The following SLC35F1 variants were observed in gnomAD, a reference collection of about 807,000 sequenced individuals.
SLC35F1 encodes the protein solute carrier family 35 member F1.
SLC35F1 carries 14 observed loss-of-function variants against 48.7 expected under a neutral mutation model. The observed-to-expected ratio is 0.29, with a 90% CI of 0.19 to 0.45. SLC35F1 has a LOEUF of 0.45. Ranked by LOEUF, SLC35F1 falls within the 20% of genes least tolerant of loss-of-function variation. The pLI, the probability that SLC35F1 is intolerant of heterozygous loss-of-function variation, is 1.00. For missense variants in SLC35F1, 404 were observed against 500.0 expected, an observed-to-expected ratio of 0.81 and a Z score of 1.83; for synonymous variants, 190 against 202.2, an observed-to-expected ratio of 0.94 and a Z score of 0.51.
At position 118,314,242 on chromosome 6, in the gene SLC35F1, G is replaced by C. The variant is rs61738575; in HGVS notation, c.1217G>C (p.Arg406Pro). The C allele has an allele frequency of 1.9e-6, 3 of 1,614,010 alleles. No homozygotes were observed. The change falls in exon 8 of 8, where the codon CGT becomes CCT. Residue 406 changes from arginine (R) to proline (P), a missense_variant. This residue lies in a region of SLC35F1 where 306 missense variants were observed against 419.1 expected (regional missense o/e 0.73). Coordinates refer to ENST00000360388, the MANE Select transcript of SLC35F1 (RefSeq NM_001029858.4). Reference protein sequence around the residue: ...GQETEEEPHVRVA With the variant: ...GQETEEEPHVPVA Reference sequence around the variant, plus strand: ...GAGACCGAAGAGGAGCCTCATGTTCGTGTGGCCTAGGGTGAGGCCCGCCCT... The same window carrying C: ...GAGACCGAAGAGGAGCCTCATGTTCCTGTGGCCTAGGGTGAGGCCCGCCCT...
chr6:118,139,164 G>A (rs1375882639), intron 1 of SLC35F1, among the ~76,000 whole-genome samples: 1 of 152,080 alleles, frequency 6.6e-6, no homozygotes, highest in Admixed American at 6.5e-5. Flanking sequence ...CCAGGCTGGA[G>A]CGCAGTGGTG....
intron 3 of SLC35F1, among the ~76,000 whole-genome samples, chr6:118,247,134 ATCT>A (rs1775517586): frequency 6.6e-6 from 1 of 152,226 alleles, no homozygotes; most frequent in Non-Finnish European, 1.5e-5. Context: ...TAACCATCCC[ATCT>A]TCTTATACAC....
intron 3 of SLC35F1, among the ~76,000 whole-genome samples, chr6:118,262,195 T>G (rs544731389): frequency 1.4e-4 from 21 of 151,966 alleles, no homozygotes; most frequent in Non-Finnish European, 2.9e-4. Flanking sequence ...GAAGTGTGGG[T>G]GTCTAAAGCC....
chr6:118,144,692 A>G (rs1177762275), intron 1 of SLC35F1, among the ~76,000 whole-genome samples: 3 of 151,896 alleles, frequency 2.0e-5, no homozygotes, highest in African/African-American at 7.2e-5. Flanking sequence ...ATCCCCTAGT[A>G]TTACGGAAGA....
At chr6:117,959,940 G>T (rs1030825491) in intron 1 of SLC35F1, among the ~76,000 whole-genome samples, 1 of 152,074 alleles carries the variant, frequency 6.6e-6, no homozygotes, top group East Asian at 1.9e-4. Flanking sequence ...TTTATTTGAG[G>T]TTATAAACAG....
At chr6:118,005,027 GAT>G (rs1339052685) in intron 1 of SLC35F1, among the ~76,000 whole-genome samples, 1 of 152,102 alleles carries the variant, frequency 6.6e-6, no homozygotes, top group African/African-American at 2.4e-5. Context: ...GGCATGCTAG[GAT>G]ATGAAAAGGA....
At chr6:118,054,801 C>T (rs956936112) in intron 1 of SLC35F1, among the ~76,000 whole-genome samples, 6 of 150,270 alleles carry the variant, frequency 4.0e-5, no homozygotes, top group African/African-American at 1.5e-4. Flanking sequence ...TTTTTTGACA[C>T]GGAGTCTCGC....
intron 2 of SLC35F1, among the ~76,000 whole-genome samples, chr6:118,180,724 C>T (rs922883338): frequency 6.6e-6 from 1 of 151,800 alleles, no homozygotes; most frequent in Non-Finnish European, 1.5e-5. Flanking sequence ...TGAGAATGTG[C>T]AATATGAACT....
chr6:118,095,615 G>A (rs559097789), intron 1 of SLC35F1, among the ~76,000 whole-genome samples: 1 of 152,118 alleles, frequency 6.6e-6, no homozygotes, highest in African/African-American at 2.4e-5. Context: ...GTGCCCTTGT[G>A]GCCTAAAGTG....
At chr6:118,001,022 G>T (rs1777085265) in intron 1 of SLC35F1, among the ~76,000 whole-genome samples, 1 of 151,988 alleles carries the variant, frequency 6.6e-6, no homozygotes, top group South Asian at 2.1e-4. Flanking sequence ...TGGCCATACT[G>T]CCCAAGGTAA....
chr6:118,129,039 C>A (rs1773671399), intron 1 of SLC35F1, among the ~76,000 whole-genome samples: 1 of 152,084 alleles, frequency 6.6e-6, no homozygotes, highest in African/African-American at 2.4e-5. Context: ...TATTGAGTGT[C>A]CCCTATGTGA....
chr6:117,998,683 C>T (rs1383892521), intron 1 of SLC35F1, among the ~76,000 whole-genome samples: 2 of 152,118 alleles, frequency 1.3e-5, no homozygotes, highest in Non-Finnish European at 2.9e-5. Context: ...CTACTGGATA[C>T]ATAAGGAAAT....
chr6:118,199,068 G>A (rs990192484), intron 2 of SLC35F1, among the ~76,000 whole-genome samples: 1 of 152,172 alleles, frequency 6.6e-6, no homozygotes, highest in Non-Finnish European at 1.5e-5. Flanking sequence ...CCAAAGCTGA[G>A]GGACCCTGAA....
At chr6:118,139,114 C>CT (rs1053743375) in intron 1 of SLC35F1, among the ~76,000 whole-genome samples, 13 of 151,208 alleles carry the variant, frequency 8.6e-5, no homozygotes, top group Non-Finnish European at 1.2e-4. Flanking sequence ...AAACTGTCTT[C>CT]TTTTTTTTTG....
intron 1 of SLC35F1, among the ~76,000 whole-genome samples, chr6:117,945,461 A>G (rs1265824181): frequency 6.6e-6 from 1 of 152,202 alleles, no homozygotes; most frequent in African/African-American, 2.4e-5. Flanking sequence ...ACAGATGAGT[A>G]GATTGTTATT....
At chr6:117,922,121 A>G (rs1186668879) in intron 1 of SLC35F1, among the ~76,000 whole-genome samples, 1 of 152,144 alleles carries the variant, frequency 6.6e-6, no homozygotes, top group Non-Finnish European at 1.5e-5. Flanking sequence ...TCTAAAAGAA[A>G]TTTCCACAGC....
intron 7 of SLC35F1, among the ~76,000 whole-genome samples, chr6:118,305,178 C>T (rs550419041): frequency 6.8e-6 from 1 of 146,794 alleles, no homozygotes; most frequent in African/African-American, 2.5e-5. Context: ...CAAGGAAGAC[C>T]CAGCGGGATA....
chr6:118,232,430 C>T (rs1412607089), intron 2 of SLC35F1, among the ~76,000 whole-genome samples: 2 of 151,764 alleles, frequency 1.3e-5, no homozygotes, highest in Admixed American at 6.6e-5. Flanking sequence ...TGCCTGTAAT[C>T]CCAGCTACAC....
chr6:118,141,499 A>G (rs1035850512), intron 1 of SLC35F1, among the ~76,000 whole-genome samples: 1 of 152,126 alleles, frequency 6.6e-6, no homozygotes, highest in East Asian at 1.9e-4. Context: ...ACAGAAACCT[A>G]TTTCTTACAG....
Sources: allele counts gnomAD v4.1 joint callset (sites outside exome capture counted in the v4.1 genomes callset), GRCh38; gene constraint gnomAD v4.1.1; regional missense constraint gnomAD v4.1.1; transcripts MANE v1.5; gene names NCBI Gene and HGNC (gene_info 2026-07-23, HGNC 2026-07-21).